Variants in VRK2 observed in about 807,000 individuals in gnomAD.
VRK2 encodes the protein serine/threonine-protein kinase VRK2.
A neutral mutation model predicts 57.6 loss-of-function variants in VRK2; 60 were observed. The observed-to-expected ratio is 1.04, with a 90% CI of 0.85 to 1.29. The LOEUF is 1.29. VRK2 is among the 50% of genes most tolerant of loss of function. The pLI is 0.00. For missense variants in VRK2, 705 were observed against 588.1 expected (o/e 1.20, Z -2.06); for synonymous variants, 231 against 199.2 (o/e 1.16, Z -1.35).
intron 11 of VRK2, among the ~76,000 whole-genome samples, chr2:58,142,816 G>A (rs1166440506): frequency 2.6e-5 from 4 of 151,870 alleles, no homozygotes; most frequent in East Asian, 3.9e-4. Flanking sequence ...CCTTTTAATC[G>A]TTTATCAATG....
Position 57,926,151 on chromosome 2 carries a change from G to A in VRK2, c.-439+18312G>A, listed in dbSNP as rs1024609873. The stretch of plus-strand genomic sequence containing the variant: ...GACTTTTTTGTGAGCTAAAATATAG[G>A]GTATCTTTGAGAATAATCCATGTGC... On this transcript the variant is annotated intron_variant, in intron 1 of 15. Transcript: ENST00000417641. Among the ~76,000 whole-genome samples, 11 of 151,480 alleles carry A rather than the reference G, an allele frequency of 7.3e-5. 1 individual carries two copies. Among genetic ancestry groups the A allele is most frequent in the African/African-American group, 2.4e-4 (10 of 41,354 alleles).
At chr2:58,089,166 A>G (rs1235390935) in intron 6 of VRK2, among the ~76,000 whole-genome samples, 5 of 152,312 alleles carry the variant, frequency 3.3e-5, no homozygotes, top group East Asian at 3.9e-4. Flanking sequence ...GGAGTTTTCT[A>G]TTACCATACA....
chr2:57,975,789 G>A (rs532641661), intron 1 of VRK2, among the ~76,000 whole-genome samples: 2 of 150,770 alleles, frequency 1.3e-5, no homozygotes, highest in Non-Finnish European at 3.0e-5. Flanking sequence ...TTTTGGTTCA[G>A]TTGGGTACAT....
intron 3 of VRK2, among the ~76,000 whole-genome samples, chr2:58,034,777 A>T (rs76718471): frequency 0.033 from 4,862 of 147,462 alleles, 270 homozygotes; most frequent in African/African-American, 0.11. Flanking sequence ...GGTTTTTTTT[A>T]AAAAACAAAA....
At position 58,071,233 on chromosome 2, in the gene VRK2, C is replaced by T. The variant is rs1253281784; in HGVS notation, c.137-12856C>T. Among the ~76,000 whole-genome samples, 3 of 151,920 alleles carry T rather than the reference C, an allele frequency of 2.0e-5. No individual in the cohort carries two copies. In the East Asian group the frequency reaches 5.8e-4, roughly 29 times the overall value. ...TTGTCAGATGTTTTGCAAATATCTCCTCCCAGACTGTGATTTATCTTATTA... is the reference window on the plus strand; with the variant it reads ...TTGTCAGATGTTTTGCAAATATCTCTTCCCAGACTGTGATTTATCTTATTA... On this transcript the variant is annotated intron_variant, in intron 2 of 12. Transcript: ENST00000340157.
At chr2:58,073,153 AT>A (rs1217435949) in intron 2 of VRK2, among the ~76,000 whole-genome samples, 1 of 151,974 alleles carries the variant, frequency 6.6e-6, no homozygotes, top group Non-Finnish European at 1.5e-5. Context: ...ATTTAATTCC[AT>A]TTTGGTCTGA....
intron 12 of VRK2, among the ~76,000 whole-genome samples, chr2:58,151,412 A>AT (rs1302618855): frequency 6.6e-6 from 1 of 151,788 alleles, no homozygotes; most frequent in Non-Finnish European, 1.5e-5. Flanking sequence ...TATGATTAAC[A>AT]TTTATACATT....
At chr2:58,125,756 G>A (rs1172246307) in intron 8 of VRK2, among the ~76,000 whole-genome samples, 1 of 151,894 alleles carries the variant, frequency 6.6e-6, no homozygotes, top group Non-Finnish European at 1.5e-5. Context: ...ATGCACATAT[G>A]TACACATATA....
chr2:57,959,057 C>A (rs893764402), intron 1 of VRK2, among the ~76,000 whole-genome samples: 1 of 152,194 alleles, frequency 6.6e-6, no homozygotes, highest in Non-Finnish European at 1.5e-5. Flanking sequence ...AACTAAGAGG[C>A]AGGGGTCGTT....
At chr2:58,098,694 G>A (rs759243383) in intron 7 of VRK2, among the ~76,000 whole-genome samples, 2 of 151,908 alleles carry the variant, frequency 1.3e-5, no homozygotes, top group Non-Finnish European at 2.9e-5. Flanking sequence ...ACTCTAGGAT[G>A]TTCATACAAT....
intron 8 of VRK2, among the ~76,000 whole-genome samples, chr2:58,129,934 AAAAT>A (rs967925086): frequency 6.6e-6 from 1 of 152,318 alleles, no homozygotes; most frequent in Admixed American, 6.5e-5. Context: ...TGCAAAAAAG[AAAAT>A]AAAAGATTGA....
At chr2:58,016,210 A>G (rs72949126) in intron 1 of VRK2, among the ~76,000 whole-genome samples, 3,237 of 151,364 alleles carry the variant, frequency 0.021, 179 homozygotes, top group African/African-American at 0.076. Context: ...TAAGGATAAA[A>G]TTTGTTATTG....
chr2:58,152,396 G>A (rs1427358397), intron 12 of VRK2, among the ~76,000 whole-genome samples: 1 of 151,670 alleles, frequency 6.6e-6, no homozygotes, highest in African/African-American at 2.4e-5. Context: ...CATCCTTTGT[G>A]CTATTGTTGT....
intron 1 of VRK2, 142 bp downstream of exon 1, chr2:58,047,010 C>T (rs764755708): frequency 5.1e-6 from 5 of 974,866 alleles, no homozygotes; most frequent in Non-Finnish European, 6.1e-6. Flanking sequence ...GGCCTCAGCT[C>T]CGGCCCGGGC....
chr2:58,006,965 T>A (rs933194974), intron 1 of VRK2, among the ~76,000 whole-genome samples: 1 of 151,952 alleles, frequency 6.6e-6, no homozygotes, highest in Middle Eastern at 3.2e-3. Flanking sequence ...CAAGGCTGGG[T>A]CCCCTTGAGG....
chr2:58,144,368 C>T (rs945113486), intron 11 of VRK2, among the ~76,000 whole-genome samples: 3 of 151,882 alleles, frequency 2.0e-5, no homozygotes, highest in Non-Finnish European at 4.4e-5. Context: ...TTCTTGAAAT[C>T]TGCTAAGAGA....
upstream of VRK2, among the ~76,000 whole-genome samples, chr2:58,041,779 G>A (rs1674466329): frequency 6.6e-6 from 1 of 152,068 alleles, no homozygotes; most frequent in Non-Finnish European, 1.5e-5. Context: ...GCTACCTGGA[G>A]GCTCCATCAG....
chr2:57,923,937 G>A lies in VRK2; in HGVS notation c.-439+16098G>A, dbSNP rs371864853. ...TAGGGGTCTAGTTTCGTTCTTATGC[G>A]TATGGATATCCAGTTTTACCAGCAA... On this transcript the variant is annotated intron_variant, in intron 1 of 15. Coordinates refer to the VRK2 transcript ENST00000417641. Among the ~76,000 whole-genome samples the A allele has an allele frequency of 2.0e-4, 30 of 151,804 alleles. No homozygotes were observed. The East Asian group carries it at 4.2e-3, about 21-fold the overall frequency.
chr2:57,919,640 C>T (rs1459923546), intron 1 of VRK2, among the ~76,000 whole-genome samples: 2 of 151,980 alleles, frequency 1.3e-5, no homozygotes, highest in Admixed American at 1.3e-4. Context: ...TGTCTGTATC[C>T]AGAAATTTTG....
Sources: allele counts gnomAD v4.1 joint callset (sites outside exome capture counted in the v4.1 genomes callset), GRCh38; gene constraint gnomAD v4.1.1; transcripts MANE v1.5; gene names NCBI Gene and HGNC (gene_info 2026-07-23, HGNC 2026-07-21).